The following TANGO6 variants were observed in gnomAD, a reference collection of about 807,000 sequenced individuals.
TANGO6 encodes the protein transport and golgi organization 6 homolog, also known as transport and Golgi organization protein 6 homolog.
A neutral mutation model predicts 114.2 loss-of-function variants in TANGO6; 90 were observed. The ratio of observed to expected loss-of-function variants is 0.79; its 90% CI spans 0.66 to 0.94. The LOEUF (loss-of-function observed/expected upper bound fraction) is 0.94. Ranked by LOEUF, TANGO6 falls within the 40% of genes least tolerant of loss-of-function variation. TANGO6 has a pLI of 0.00. For synonymous variants in TANGO6, 477 were observed against 509.8 expected (o/e 0.94, Z 0.87); for missense variants, 1,274 against 1,315.3 (o/e 0.97, Z 0.49).
chr16:68,987,892 T>G (rs1485759595), intron 15 of TANGO6, among the ~76,000 whole-genome samples: 2 of 152,250 alleles, frequency 1.3e-5, no homozygotes, highest in African/African-American at 4.8e-5. Context: ...ATTTGTATTT[T>G]CCTGGTGACT....
intron 7 of TANGO6, among the ~76,000 whole-genome samples, chr16:68,887,612 C>T (rs1962555894): frequency 6.6e-6 from 1 of 152,306 alleles, no homozygotes; most frequent in Admixed American, 6.5e-5. Flanking sequence ...CACAGTGGCT[C>T]ATGCCTATAA....
At chr16:68,866,624 C>T (rs1224871611) in intron 3 of TANGO6, among the ~76,000 whole-genome samples, 46 of 132,592 alleles carry the variant, frequency 3.5e-4, no homozygotes, top group African/African-American at 1.2e-3. Context: ...AGCAAGACTC[C>T]GTCTCAAAAA....
chr16:68,884,022 G>A (rs572312389), intron 7 of TANGO6, among the ~76,000 whole-genome samples: 3 of 152,134 alleles, frequency 2.0e-5, no homozygotes, highest in South Asian at 4.1e-4. Context: ...CGATTCTCCT[G>A]CTTCAGCCTC....
At chr16:68,912,604 G>A (rs1409398268) in intron 11 of TANGO6, among the ~76,000 whole-genome samples, 5 of 150,742 alleles carry the variant, frequency 3.3e-5, no homozygotes, top group South Asian at 2.1e-4. Flanking sequence ...ACTGCACTGC[G>A]CTTCAGGCTG....
chr16:68,901,001 G>A (rs547042832), intron 8 of TANGO6, among the ~76,000 whole-genome samples: 1 of 152,058 alleles, frequency 6.6e-6, no homozygotes, highest in African/African-American at 2.4e-5. Flanking sequence ...TAGATAGAAG[G>A]GATTTCTTAG....
intron 14 of TANGO6, among the ~76,000 whole-genome samples, chr16:68,973,380 G>C (rs1963728615): frequency 6.6e-6 from 1 of 152,166 alleles, no homozygotes; most frequent in Non-Finnish European, 1.5e-5. Flanking sequence ...ATGAATGGTA[G>C]AATTTGTAGT....
intron 14 of TANGO6, among the ~76,000 whole-genome samples, chr16:68,942,569 G>A (rs935526887): frequency 6.6e-5 from 10 of 152,176 alleles, no homozygotes; most frequent in African/African-American, 1.7e-4. Context: ...GACATAGGAA[G>A]AATGGGTCTA....
At chr16:68,854,509 C>T (rs1961954676) in intron 1 of TANGO6, among the ~76,000 whole-genome samples, 2 of 151,970 alleles carry the variant, frequency 1.3e-5, no homozygotes. Context: ...ACTCTAGGAT[C>T]ATAAAAGACT....
At chr16:68,852,901 A>T (rs1961928701) in intron 1 of TANGO6, among the ~76,000 whole-genome samples, 1 of 152,100 alleles carries the variant, frequency 6.6e-6, no homozygotes, top group South Asian at 2.1e-4. Flanking sequence ...CATCATTTAG[A>T]TTCCACAATT....
intron 15 of TANGO6, among the ~76,000 whole-genome samples, chr16:69,005,788 CAA>C (rs57025707): frequency 0.016 from 1,397 of 86,918 alleles, 21 homozygotes; most frequent in African/African-American, 0.048. Flanking sequence ...AACTTCATCT[CAA>C]AAAAAAAAAA....
intron 15 of TANGO6, among the ~76,000 whole-genome samples, chr16:68,992,473 T>G (rs1287348146): frequency 6.6e-6 from 1 of 152,202 alleles, no homozygotes; most frequent in Non-Finnish European, 1.5e-5. Context: ...ACCAGTGTCT[T>G]TCATGGTAAG....
intron 4 of TANGO6, among the ~76,000 whole-genome samples, chr16:68,874,181 T>C (rs1483470272): frequency 6.6e-6 from 1 of 152,234 alleles, no homozygotes; most frequent in Non-Finnish European, 1.5e-5. Flanking sequence ...GAACTCTCTC[T>C]ACATGTAACT....
Position 68,965,956 on chromosome 16 carries a change from G to T in TANGO6, c.2702-8072G>T, listed in dbSNP as rs55800100. On this transcript the variant is annotated intron_variant, in intron 14 of 17. Coordinates refer to ENST00000261778, the MANE Select transcript of TANGO6 (RefSeq NM_024562.2). The stretch of plus-strand genomic sequence containing the variant: ...ACTTAAAGTGAACAATTCAGACCAG[G>T]TGTAGTGGCTCACGCCTGTAATCCC... 6.5e-3 allele frequency among the ~76,000 whole-genome samples: 987 copies of T among 152,240 alleles called. 14 individuals are homozygous for T. The highest frequency in any genetic ancestry group is 0.023 in the African/African-American group (944 of 41,534).
chr16:69,045,092 G>A (rs1300420320), intron 17 of TANGO6, among the ~76,000 whole-genome samples: 1 of 149,048 alleles, frequency 6.7e-6, no homozygotes, highest in East Asian at 2.0e-4. Context: ...GGAGGCAAAG[G>A]TTACAGTGAG....
intron 15 of TANGO6, among the ~76,000 whole-genome samples, chr16:68,998,508 G>A (rs1049715935): frequency 3.9e-5 from 6 of 152,074 alleles, no homozygotes; most frequent in African/African-American, 1.4e-4. Context: ...GAGGCGGGCA[G>A]ATCACAAGGT....
intron 17 of TANGO6, among the ~76,000 whole-genome samples, chr16:69,065,380 T>C (rs1486358148): frequency 6.6e-6 from 1 of 152,226 alleles, no homozygotes; most frequent in Non-Finnish European, 1.5e-5. Flanking sequence ...GGTTAACTGC[T>C]ACCCACCATC....
intron 14 of TANGO6, 101 bp downstream of exon 14, chr16:68,930,396 G>GGCCCTA: frequency 2.1e-6 from 2 of 967,068 alleles, no homozygotes; most frequent in Non-Finnish European, 3.2e-6. Context: ...GGAGACTACT[G>GGCCCTA]GTCATTTTGT....
chr16:68,893,757 C>CAAAAAAAAAAAAAAAAAGGAAAAAAAAA (rs1962665094), intron 7 of TANGO6, among the ~76,000 whole-genome samples: 1 of 84,192 alleles, frequency 1.2e-5, no homozygotes, highest in Non-Finnish European at 2.6e-5. Flanking sequence ...AGAAAACAAC[C>CAAAAAAAAAAAAAAAAAGGAAAAAAAAA]AAAAAAAAAA....
intron 14 of TANGO6, among the ~76,000 whole-genome samples, chr16:68,968,606 C>G (rs1963670010): frequency 6.6e-6 from 1 of 151,656 alleles, no homozygotes; most frequent in African/African-American, 2.4e-5. Context: ...CTCAGGTGGT[C>G]CACCCGCCTC....
Sources: gnomAD v4.1 joint callset for allele counts (sites outside exome capture counted in the v4.1 genomes callset) on GRCh38, gnomAD v4.1.1 for gene constraint, MANE v1.5 for transcripts, NCBI Gene and HGNC (gene_info 2026-07-23, HGNC 2026-07-21) for gene names.